The following ATP2A1 variants were observed in gnomAD, a reference collection of about 807,000 sequenced individuals.
The protein encoded by ATP2A1 is ATPase sarcoplasmic/endoplasmic reticulum Ca2+ transporting 1.
A neutral mutation model predicts 109.5 loss-of-function variants in ATP2A1; 83 were observed. That is an observed-to-expected ratio of 0.76 (90% CI 0.63 to 0.91). The LOEUF (loss-of-function observed/expected upper bound fraction) is 0.91, where lower values mean the gene tolerates loss of function less well. ATP2A1 is among the 40% of genes least tolerant of loss of function. The pLI is 0.00. For missense variants in ATP2A1, 1,101 were observed against 1,341.0 expected (o/e 0.82, Z 2.80); for synonymous variants, 505 against 537.6 (o/e 0.94, Z 0.84).
chr16:28,904,436 A>T lies in ATP2A1; in HGVS notation c.*294A>T. The T allele has an allele frequency of 6.5e-7, 1 of 1,529,634 alleles. No individual in the cohort carries two copies. The highest frequency in any genetic ancestry group is 8.7e-7 in the Non-Finnish European group (1 of 1,143,032). 94.8% of individuals were successfully genotyped at this position (1,529,634 alleles called of 1,614,324 possible). ...GGCGACCGACTGCGCTGAGCTGCTTATTTATTGAAAATAAACGACGGAAAA... is the reference window on the plus strand; with the variant it reads ...GGCGACCGACTGCGCTGAGCTGCTTTTTTATTGAAAATAAACGACGGAAAA... On this transcript the variant is annotated 3_prime_UTR_variant, in exon 23 of 23. Transcript: ENST00000395503.
At chr16:28,900,212 G>GCTCA (rs1964032380) in intron 14 of ATP2A1, among the ~76,000 whole-genome samples, 2 of 150,778 alleles carry the variant, frequency 1.3e-5, no homozygotes, top group African/African-American at 4.9e-5. Flanking sequence ...GAGGTAGGAG[G>GCTCA]ATCGCTTGAG....
In ATP2A1 at chr16:28,888,857, A is replaced by G. The variant is rs370047680; in HGVS notation, c.999A>G (p.Val333=). Reference sequence around the variant, plus strand: ...GGATGGCAAAGAAGAATGCCATTGTAAGAAGCTTGCCCTCCGTAGAGACCC... The same window carrying G: ...GGATGGCAAAGAAGAATGCCATTGTGAGAAGCTTGCCCTCCGTAGAGACCC... ...TRRMAKKNAI[V]RSLPSVETLG... The change falls in exon 9 of 23, where the codon GTA becomes GTG. Residue 333 remains valine (V), a synonymous_variant. Coordinates refer to ENST00000395503, the MANE Select transcript of ATP2A1 (RefSeq NM_004320.6). The G allele has an allele frequency of 6.2e-7, 1 of 1,613,260 alleles. No individual in the cohort carries two copies. Among genetic ancestry groups the G allele is most frequent in the Non-Finnish European group, 8.5e-7 (1 of 1,179,644 alleles).
Position 28,892,524 on chromosome 16 carries a change from C to T in ATP2A1, c.1096-1631C>T, listed in dbSNP as rs145867481. The stretch of plus-strand genomic sequence containing the variant: ...GAGGAGGCTGACTGTGTAAAGAAGA[C>T]GGATTCTGCTTTGCCCCAGAGGTTC... On this transcript the variant is annotated intron_variant, in intron 9 of 22. Coordinates refer to ENST00000395503, the MANE Select transcript of ATP2A1 (RefSeq NM_004320.6). 744 of 156,106 alleles carry T rather than the reference C, an allele frequency of 4.8e-3. 9 individuals carry two copies. The highest frequency in any genetic ancestry group is 4.6e-3 in the Non-Finnish European group (319 of 70,006). 9.7% of individuals were successfully genotyped at this position (156,106 alleles called of 1,614,324 possible).
At chr16:28,881,405 GTTTGTTTTGT>G in intron 4 of ATP2A1, 2 of 304,150 alleles carry the variant, frequency 6.6e-6, no homozygotes, top group Non-Finnish European at 1.3e-5. Flanking sequence ...CTGCTTCCTG[GTTTGTTTTGT>G]TTTGTTTTGT....
rs868427330 is a variant in ATP2A1 at position 28,880,787 on chromosome 16, C to T, written c.220-128C>T. 1.1e-5 allele frequency: 10 copies of T among 888,164 alleles called. No individual in the cohort carries two copies. Among genetic ancestry groups the T allele is most frequent in the Admixed American group, 5.8e-5 (3 of 51,614 alleles). 55.0% of individuals were successfully genotyped at this position (888,164 alleles called of 1,614,324 possible). ...CGGATGTGGGGCCACAGCGCCCCGA[C>T]GGTGCCCGGCCCTCCTGCTGGCTCC... On this transcript the variant is annotated intron_variant, in intron 3 of 22. Coordinates refer to ENST00000395503, the MANE Select transcript of ATP2A1 (RefSeq NM_004320.6). The surrounding 1 kb of genome is among the most constrained non-coding windows in gnomAD (Gnocchi z 4.2).
In ATP2A1 at chr16:28,902,382, C is replaced by T. The variant is rs758221964; in HGVS notation, c.2520C>T (p.Ile840=). 1.5e-5 allele frequency: 24 copies of T among 1,613,766 alleles called. No individual in the cohort carries two copies. The highest frequency in any genetic ancestry group is 3.3e-5 in the Admixed American group (2 of 59,972). Residue 840 remains isoleucine, a synonymous_variant, in exon 17 of 23, where the codon ATC becomes ATT. Coordinates refer to ENST00000395503, the MANE Select transcript of ATP2A1 (RefSeq NM_004320.6). This position sits in a 1 kb window ranked among gnomAD's most constrained non-coding sequence, Gnocchi z 4.8. ...SGWLFFRYMA[I]GGYVGAATVG... is the part of the protein sequence containing the mutation. ...GGCTCTTCTTCCGCTACATGGCAAT[C>T]GGGGGTGAGCTGGAGGGGTTCCTCG...
chr16:28,893,227 A>G (rs1396245191), intron 9 of ATP2A1, among the ~76,000 whole-genome samples: 1 of 151,342 alleles, frequency 6.6e-6, no homozygotes, highest in Admixed American at 6.6e-5. Context: ...CTACCAAAAA[A>G]AAAAAAAAAG....
intron 15 of ATP2A1, 119 bp from the exon 16 acceptor site, chr16:28,901,744 C>G: frequency 1.1e-6 from 1 of 897,696 alleles, no homozygotes; most frequent in Non-Finnish European, 1.7e-6. Flanking sequence ...ATTGCTTGAG[C>G]CCAGGAGTTC....
intron 14 of ATP2A1, 87 bp from the exon 15 acceptor site, chr16:28,900,494 C>CA: frequency 3.0e-6 from 2 of 656,416 alleles, no homozygotes; most frequent in Non-Finnish European, 2.3e-6. Context: ...CCTGACCTTT[C>CA]ACCCCATCCC....
At chr16:28,888,079 G>A (rs959277175) in intron 8 of ATP2A1, among the ~76,000 whole-genome samples, 2 of 152,070 alleles carry the variant, frequency 1.3e-5, no homozygotes, top group Non-Finnish European at 2.9e-5. Flanking sequence ...GGGATTACAG[G>A]CGTGAGCCAC....
intron 12 of ATP2A1, among the ~76,000 whole-genome samples, chr16:28,895,663 C>CATAGTG (rs1963900623): frequency 8.1e-6 from 1 of 122,994 alleles, no homozygotes; most frequent in African/African-American, 3.0e-5. Context: ...CGCATCTCTA[C>CATAGTG]AAAAAAAAAC....
rs1467087340 is a variant in ATP2A1, at chr16:28,903,913, C to T, written c.*37+172C>T. ...GGTGGGCCGCTGGCCTCCCACTGGG[C>T]GTCAGTTTGGCTCCCAGGCCCTGGG... On this transcript the variant is annotated intron_variant, in intron 22 of 22. Coordinates refer to ENST00000395503, the MANE Select transcript of ATP2A1 (RefSeq NM_004320.6). This position sits in a 1 kb window ranked among gnomAD's most constrained non-coding sequence, Gnocchi z 5.6. 7.8e-6 allele frequency: 6 copies of T among 772,920 alleles called. No homozygotes were observed. The highest frequency in any genetic ancestry group is 5.7e-5 in the Admixed American group (3 of 52,460). The allele number at this position is 772,920 out of a possible 1,614,324, so 47.9% of individuals were successfully genotyped here.
At position 28,882,577 on chromosome 16, in the gene ATP2A1, G is replaced by A. The variant is rs748285172; in HGVS notation, c.451G>A (p.Val151Met). ...KARDIVPGDI[V>M]EVAVGDKVPA... ...TCGGGACATCGTCCCTGGGGACATC[G>A]TGGAGGTGGCTGGTGAGTGACAGGG... Residue 151 changes from valine to methionine, a missense_variant, in exon 5 of 23, where the codon GTG becomes ATG. Coordinates refer to ENST00000395503, the MANE Select transcript of ATP2A1 (RefSeq NM_004320.6). 19 of 1,614,066 alleles carry A rather than the reference G, an allele frequency of 1.2e-5. No homozygotes were observed. Among genetic ancestry groups the A allele is most frequent in the East Asian group, 6.7e-5 (3 of 44,892 alleles).
Position 28,903,130 on chromosome 16 carries a change from T to C in ATP2A1, c.2845T>C (p.Tyr949His). ...CATGTCCCTGCACTTCCTCATCCTC[T>C]ATGTTGACCCCCTGCCGGTGAGGTT... ...LSMSLHFLILYVDPLPMIFKL... is the reference protein window; with the variant it reads ...LSMSLHFLILHVDPLPMIFKL... The change falls in exon 20 of 23, where the codon TAT (tyrosine) becomes CAT (histidine). Residue 949 changes from tyrosine to histidine, a missense_variant. Coordinates refer to ENST00000395503, the MANE Select transcript of ATP2A1 (RefSeq NM_004320.6). The surrounding 1 kb of genome is among the most constrained non-coding windows in gnomAD (Gnocchi z 5.6). 1 of 1,613,612 alleles carries C rather than the reference T, an allele frequency of 6.2e-7. No homozygotes were observed. Among genetic ancestry groups the C allele is most frequent in the Non-Finnish European group, 8.5e-7 (1 of 1,179,928 alleles).
intron 9 of ATP2A1, among the ~76,000 whole-genome samples, chr16:28,892,062 G>A (rs1484923230): frequency 6.6e-6 from 1 of 152,178 alleles, no homozygotes; most frequent in Non-Finnish European, 1.5e-5. Flanking sequence ...AGTTCTCGCA[G>A]TGGGTCTAAG....
At chr16:28,879,332 G>A (rs542593453) in intron 2 of ATP2A1, 169 bp from the exon 3 acceptor site, 7 of 850,706 alleles carry the variant, frequency 8.2e-6, no homozygotes, top group Non-Finnish European at 1.4e-5. Flanking sequence ...CCACTTTGCC[G>A]AGTCTGTTTC....
In ATP2A1 at chr16:28,888,837, G is replaced by T. The variant is rs1163173762; in HGVS notation, c.979G>T (p.Ala327Ser). 1 of 1,614,096 alleles carries T rather than the reference G, an allele frequency of 6.2e-7. No individual in the cohort carries two copies. Among genetic ancestry groups the T allele is most frequent in the East Asian group, 2.2e-5 (1 of 44,884 alleles). ...TCLALGTRRM[A>S]KKNAIVRSLP... ...CCTGGCCCTGGGTACCCGTCGGATG[G>T]CAAAGAAGAATGCCATTGTAAGAAG... The change falls in exon 9 of 23, where the codon GCA becomes TCA. Residue 327 changes from alanine (A) to serine (S), a missense_variant. By Grantham distance (99) the Ala-to-Ser change is moderately conservative. Coordinates refer to ENST00000395503, the MANE Select transcript of ATP2A1 (RefSeq NM_004320.6).
At position 28,882,151 on chromosome 16, in the gene ATP2A1, G is replaced by T. The variant is rs553215726; in HGVS notation, c.325-300G>T. 1.8e-3 allele frequency among the ~76,000 whole-genome samples: 249 copies of T among 139,806 alleles called. 2 individuals carry two copies. The highest frequency in any genetic ancestry group is 6.2e-3 in the African/African-American group (239 of 38,546). The allele number at this position is 139,806 out of a possible 152,430, so 91.7% of individuals were successfully genotyped here. A position where few individuals can be genotyped will look rare whatever the true frequency, so the allele number is the denominator to read the frequency against. On this transcript the variant is annotated intron_variant, in intron 4 of 22. Coordinates refer to ENST00000395503, the MANE Select transcript of ATP2A1 (RefSeq NM_004320.6). ...TGTACTTTTCGTAGAGACGGACGGGGTTTCACCATGTTGTCCAGGCTGGTC... is the reference window on the plus strand; with the variant it reads ...TGTACTTTTCGTAGAGACGGACGGGTTTTCACCATGTTGTCCAGGCTGGTC...
Position 28,902,263 on chromosome 16 carries a change from G to A in ATP2A1, c.2401G>A (p.Gly801Arg), listed in dbSNP as rs764366570. ...QLLWVNLVTD[G>R]LPATALGFNP... Reference sequence around the variant, plus strand: ...GCTATGGGTGAACTTGGTGACCGACGGGCTCCCAGCCACAGCCCTGGGCTT... The same window carrying A: ...GCTATGGGTGAACTTGGTGACCGACAGGCTCCCAGCCACAGCCCTGGGCTT... Residue 801 changes from glycine (G) to arginine (R), a missense_variant, in exon 17 of 23, where the codon GGG becomes AGG. Transcript: ENST00000395503. This position sits in a 1 kb window ranked among gnomAD's most constrained non-coding sequence, Gnocchi z 4.8. 6 of 1,613,970 alleles carry A rather than the reference G, an allele frequency of 3.7e-6. No individual in the cohort carries two copies. The highest frequency in any genetic ancestry group is 2.5e-6 in the Non-Finnish European group (3 of 1,180,016).
Sources: gnomAD v4.1 joint callset for allele counts (sites outside exome capture counted in the v4.1 genomes callset) on GRCh38, gnomAD v4.1.1 for gene constraint, Gnocchi (gnomAD v3.1) non-coding constraint, MANE v1.5 for transcripts, NCBI Gene and HGNC (gene_info 2026-07-23, HGNC 2026-07-21) for gene names.